PTPRT: variants seen among roughly 807,000 people sequenced by gnomAD.
The protein encoded by PTPRT is protein tyrosine phosphatase receptor type T.
A neutral mutation model predicts 176.8 loss-of-function variants in PTPRT; 56 were observed. The observed-to-expected ratio is 0.32, with a 90% CI of 0.26 to 0.40. The LOEUF is 0.40. Ranked by LOEUF, PTPRT falls within the 10% of genes least tolerant of loss-of-function variation. The probability of loss-of-function intolerance (pLI) is 1.00; values close to 1 mark genes in which losing one functional copy is unlikely to be tolerated. For synonymous variants in PTPRT, 783 were observed against 739.0 expected, an observed-to-expected ratio of 1.06 and a Z score of -0.96; for missense variants, 1,540 against 1,908.2, an observed-to-expected ratio of 0.81 and a Z score of 3.60.
At chr20:42,857,635 A>G (rs1250445096) in intron 2 of PTPRT, among the ~76,000 whole-genome samples, 1 of 152,164 alleles carries the variant, frequency 6.6e-6, no homozygotes, top group Non-Finnish European at 1.5e-5. Context: ...TCCTATTAGG[A>G]TAATCTCCCT....
chr20:42,927,034 G>A (rs1979529870), intron 1 of PTPRT, among the ~76,000 whole-genome samples: 1 of 152,184 alleles, frequency 6.6e-6, no homozygotes, highest in Non-Finnish European at 1.5e-5. Context: ...AACAACATGG[G>A]TTGGGATGTG....
intron 2 of PTPRT, among the ~76,000 whole-genome samples, chr20:42,840,984 G>A (rs2078268198): frequency 6.6e-6 from 1 of 152,064 alleles, no homozygotes; most frequent in Non-Finnish European, 1.5e-5. Flanking sequence ...GGCTCACTTG[G>A]CCTTTGGCTT....
At chr20:42,470,190 G>A (rs1007438143) in intron 8 of PTPRT, among the ~76,000 whole-genome samples, 3 of 152,130 alleles carry the variant, frequency 2.0e-5, no homozygotes, top group Admixed American at 6.5e-5. Context: ...TACAATTTTT[G>A]TGAGACTCTA....
At chr20:42,917,407 C>T (rs1017929049) in intron 1 of PTPRT, among the ~76,000 whole-genome samples, 11 of 152,130 alleles carry the variant, frequency 7.2e-5, no homozygotes, top group Non-Finnish European at 1.3e-4. Flanking sequence ...ATGCCTCCAG[C>T]TTTGTTCTTT....
At chr20:42,168,454 TC>T (rs1434115039) in intron 16 of PTPRT, among the ~76,000 whole-genome samples, 2 of 152,200 alleles carry the variant, frequency 1.3e-5, no homozygotes, top group Admixed American at 6.5e-5. Flanking sequence ...GTGCCTCCCC[TC>T]TTCTCCCTCA....
intron 1 of PTPRT, among the ~76,000 whole-genome samples, chr20:42,898,754 C>T (rs570337693): frequency 6.6e-6 from 1 of 152,216 alleles, no homozygotes; most frequent in South Asian, 2.1e-4. Context: ...TTCCCAGGCA[C>T]CAGTTTGTGA....
intron 1 of PTPRT, among the ~76,000 whole-genome samples, chr20:43,018,893 T>C (rs773997731): frequency 6.6e-6 from 1 of 152,218 alleles, no homozygotes; most frequent in Non-Finnish European, 1.5e-5. Flanking sequence ...AGAATGGATA[T>C]TGTTACAGCC....
At chr20:42,771,162 CA>C (rs1439551629) in intron 5 of PTPRT, among the ~76,000 whole-genome samples, 1 of 152,158 alleles carries the variant, frequency 6.6e-6, no homozygotes, top group Non-Finnish European at 1.5e-5. Context: ...TCCCGCCAGA[CA>C]AGTCCCAGGC....
intron 1 of PTPRT, among the ~76,000 whole-genome samples, chr20:42,910,406 A>G (rs1327284012): frequency 2.0e-5 from 3 of 152,182 alleles, no homozygotes; most frequent in Admixed American, 1.3e-4. Flanking sequence ...AAATTTTTAT[A>G]TCCTCCTTTA....
intron 9 of PTPRT, among the ~76,000 whole-genome samples, chr20:42,403,044 TAAAAG>T (rs1352270935): frequency 7.9e-5 from 12 of 152,160 alleles, no homozygotes; most frequent in African/African-American, 2.4e-5. Context: ...AGATAATACA[TAAAAG>T]AAAACAAAAA....
chr20:42,543,957 C>A (rs549713659), intron 7 of PTPRT, among the ~76,000 whole-genome samples: 1 of 152,270 alleles, frequency 6.6e-6, no homozygotes, highest in Non-Finnish European at 1.5e-5. Flanking sequence ...CTGCTGTAAA[C>A]AAATGTGCTG....
chr20:42,037,437 G>A, the PTPRT span, among the ~76,000 whole-genome samples: 1 of 152,156 alleles, frequency 6.6e-6, no homozygotes, highest in African/African-American at 2.4e-5. Flanking sequence ...CAAAAGGAGA[G>A]GCCTCTCATT....
chr20:42,190,755 G>C (rs1990972357), intron 16 of PTPRT, among the ~76,000 whole-genome samples: 1 of 152,178 alleles, frequency 6.6e-6, no homozygotes, highest in Non-Finnish European at 1.5e-5. Flanking sequence ...GCTTTGAGCA[G>C]ATGACTCAGT....
chr20:42,449,876 T>A (rs375995802), intron 8 of PTPRT, among the ~76,000 whole-genome samples: 31 of 152,226 alleles, frequency 2.0e-4, no homozygotes, highest in Non-Finnish European at 4.0e-4. Context: ...AAATTACTCA[T>A]AATTCACATG....
At position 42,941,293 on chromosome 20, in the gene PTPRT, A is replaced by T. The variant is rs188217837; in HGVS notation, c.89-55361T>A. Among the ~76,000 whole-genome samples the T allele has an allele frequency of 6.7e-4, 102 of 152,288 alleles. 1 individual carries two copies. Among genetic ancestry groups the T allele is most frequent in the African/African-American group, 2.4e-3 (100 of 41,564 alleles). ...TCAATGAAATAAGATGGTGATTCAA[A>T]GGATTCAAAAATCATTAAGATTAAG... is the stretch of plus-strand genomic sequence containing the variant. On this transcript the variant is annotated intron_variant, in intron 1 of 30. Transcript: ENST00000373187.
chr20:42,703,090 T>C (rs1240476657), intron 6 of PTPRT, among the ~76,000 whole-genome samples: 1 of 152,158 alleles, frequency 6.6e-6, no homozygotes, highest in East Asian at 1.9e-4. Flanking sequence ...ACGACCCAAT[T>C]CTGCCCAACT....
chr20:42,687,910 T>C (rs2075725900), intron 6 of PTPRT: 2 of 152,252 alleles, frequency 1.3e-5, no homozygotes, highest in Admixed American at 1.3e-4. Flanking sequence ...TATTTCGGGA[T>C]TTACATACAA....
At chr20:42,628,326 T>G (rs1569031305) in intron 7 of PTPRT, among the ~76,000 whole-genome samples, 1 of 152,056 alleles carries the variant, frequency 6.6e-6, no homozygotes, top group Non-Finnish European at 1.5e-5. Context: ...ATGCCACAAG[T>G]CTCTGCAGCT....
At chr20:42,105,534 G>A (rs1370800203) in intron 24 of PTPRT, among the ~76,000 whole-genome samples, 2 of 152,206 alleles carry the variant, frequency 1.3e-5, no homozygotes, top group East Asian at 3.9e-4. Context: ...CTAGGCCCCA[G>A]ATAAATGTTT....
Sources: gnomAD v4.1 joint callset for allele counts (sites outside exome capture counted in the v4.1 genomes callset) on GRCh38, gnomAD v4.1.1 for gene constraint, MANE v1.5 for transcripts, NCBI Gene and HGNC (gene_info 2026-07-23, HGNC 2026-07-21) for gene names.